The following ULK4 variants were observed in gnomAD, a reference collection of about 807,000 sequenced individuals.
The protein encoded by ULK4 is inactive serine/threonine-protein kinase ULK4.
ULK4 carries 133 observed loss-of-function variants against 160.6 expected under a neutral mutation model. That is an observed-to-expected ratio of 0.83 (90% CI 0.72 to 0.96). The LOEUF (loss-of-function observed/expected upper bound fraction) is 0.96, where lower values mean the gene tolerates loss of function less well. Ranked by LOEUF, ULK4 falls within the 40% of genes least tolerant of loss-of-function variation. The probability of loss-of-function intolerance (pLI) is 0.00; values close to 1 mark genes in which losing one functional copy is unlikely to be tolerated. For missense variants in ULK4, 1,580 were observed against 1,499.5 expected (o/e 1.05, Z -0.89); for synonymous variants, 534 against 539.8 (o/e 0.99, Z 0.15).
At chr3:41,773,299 C>A (rs890924463) in intron 21 of ULK4, among the ~76,000 whole-genome samples, 2 of 152,192 alleles carry the variant, frequency 1.3e-5, no homozygotes, top group African/African-American at 4.8e-5. Flanking sequence ...TTGCAGATGA[C>A]TTGACTGTAT....
intron 31 of ULK4, among the ~76,000 whole-genome samples, chr3:41,595,356 C>G (rs1444107805): frequency 6.6e-6 from 1 of 152,120 alleles, no homozygotes; most frequent in African/African-American, 2.4e-5. Context: ...GCTACAGAGA[C>G]CAGGTAAGAT....
At chr3:41,826,478 T>C (rs1405157717) in intron 18 of ULK4, among the ~76,000 whole-genome samples, 1 of 150,678 alleles carries the variant, frequency 6.6e-6, no homozygotes. Flanking sequence ...ACAAAGCAAA[T>C]GGAAAACAAA....
rs149752926 is a variant in ULK4 at position 41,609,366 on chromosome 3, T to C, written c.3120+6303A>G. Among the ~76,000 whole-genome samples the C allele has an allele frequency of 4.1e-3, 627 of 152,306 alleles. 2 individuals carry two copies. The highest frequency in any genetic ancestry group is 9.3e-3 in the South Asian group (45 of 4,824). On this transcript the variant is annotated intron_variant, in intron 31 of 36. Coordinates refer to ENST00000301831, the MANE Select transcript of ULK4 (RefSeq NM_017886.4). ...TTCACTTCATTCAATCCAGTATCAA[T>C]AGATTGTACCCGAGCCCAAGAAAGT...
chr3:41,587,902 G>A (rs1245418863), intron 31 of ULK4, among the ~76,000 whole-genome samples: 1 of 150,404 alleles, frequency 6.6e-6, no homozygotes, highest in East Asian at 2.3e-4. Flanking sequence ...GAAGACAATT[G>A]AAAAGTGATC....
intron 31 of ULK4, among the ~76,000 whole-genome samples, chr3:41,580,964 C>G (rs189440406): frequency 9.9e-5 from 15 of 152,274 alleles, no homozygotes; most frequent in Admixed American, 4.6e-4. Context: ...AATTCCTAAG[C>G]TTTATGACTA....
At chr3:41,356,448 T>C (rs967481352) in intron 35 of ULK4, among the ~76,000 whole-genome samples, 3 of 152,178 alleles carry the variant, frequency 2.0e-5, no homozygotes, top group African/African-American at 7.2e-5. Flanking sequence ...TCTGAGGATA[T>C]GGTGGCATCC....
chr3:41,665,690 A>G (rs2035329552), intron 29 of ULK4, among the ~76,000 whole-genome samples: 1 of 152,218 alleles, frequency 6.6e-6, no homozygotes, highest in African/African-American at 2.4e-5. Context: ...AATAAAACAA[A>G]TATCAAGCAA....
intron 35 of ULK4, among the ~76,000 whole-genome samples, chr3:41,280,765 A>C (rs892735138): frequency 3.3e-5 from 5 of 152,226 alleles, no homozygotes; most frequent in Admixed American, 6.5e-5. Flanking sequence ...AAGCAAGAGC[A>C]AACACATTCA....
At chr3:41,830,750 C>T (rs563491618) in intron 18 of ULK4, among the ~76,000 whole-genome samples, 1 of 151,852 alleles carries the variant, frequency 6.6e-6, no homozygotes, top group East Asian at 1.9e-4. Flanking sequence ...CATCAAAGAT[C>T]TGACAAAATA....
At chr3:41,908,242 C>G (rs960749346) in intron 11 of ULK4, among the ~76,000 whole-genome samples, 20 of 152,128 alleles carry the variant, frequency 1.3e-4, no homozygotes, top group Admixed American at 1.3e-3. Context: ...TAAAATAGAT[C>G]AGATATTCTA....
At chr3:41,575,766 C>T (rs2088167680) in intron 31 of ULK4, among the ~76,000 whole-genome samples, 1 of 152,230 alleles carries the variant, frequency 6.6e-6, no homozygotes, top group South Asian at 2.1e-4. Context: ...CATTCAACAC[C>T]AATGGCAATG....
chr3:41,631,963 C>T (rs941419939), intron 30 of ULK4, among the ~76,000 whole-genome samples: 4 of 152,178 alleles, frequency 2.6e-5, no homozygotes, highest in African/African-American at 7.2e-5. Flanking sequence ...CAGTGCTTTC[C>T]ATTCTTTCTG....
chr3:41,647,416 G>A (rs2034547478), intron 30 of ULK4, among the ~76,000 whole-genome samples: 1 of 152,226 alleles, frequency 6.6e-6, no homozygotes, highest in Non-Finnish European at 1.5e-5. Flanking sequence ...CTAACAGACA[G>A]GACCCTCAGC....
rs187623964 is a variant in ULK4 at position 41,847,791 on chromosome 3, A to G, written c.1657-11820T>C. Among the ~76,000 whole-genome samples, 6 of 152,294 alleles carry G rather than the reference A, an allele frequency of 3.9e-5. No homozygotes were observed. In the East Asian group the frequency reaches 7.7e-4, roughly 20 times the overall value. ...TCTTAGATTCCTTTGGATGCTGTGT[A>G]TTTGATTAAGCCTTCGCAAGTAAAA... On this transcript the variant is annotated intron_variant, in intron 17 of 36. Coordinates refer to ENST00000301831, the MANE Select transcript of ULK4 (RefSeq NM_017886.4).
chr3:41,605,234 CTAG>C (rs774633846), intron 31 of ULK4, among the ~76,000 whole-genome samples: 30 of 150,992 alleles, frequency 2.0e-4, no homozygotes, highest in Non-Finnish European at 3.7e-4. Flanking sequence ...CAATAGAAAA[CTAG>C]TAGTAAGATT....
intron 19 of ULK4, among the ~76,000 whole-genome samples, chr3:41,800,844 C>T (rs7614806): frequency 0.072 from 11,001 of 152,072 alleles, 1,262 homozygotes; most frequent in African/African-American, 0.24. Context: ...CCTAGCGGTG[C>T]TAAAAAGTTA....
intron 31 of ULK4, among the ~76,000 whole-genome samples, chr3:41,573,173 T>C (rs2088063273): frequency 6.6e-6 from 1 of 152,200 alleles, no homozygotes; most frequent in Admixed American, 6.5e-5. Context: ...TTCTAGTGTT[T>C]GACAACATAG....
Position 41,657,402 on chromosome 3 carries a change from T to G in ULK4, c.3071+6205A>C, listed in dbSNP as rs182738318. ...TAAAACGCATATCCTTCAAACAACA[T>G]GATGCTGTTGGATACAATTAATAAG... On this transcript the variant is annotated intron_variant, in intron 30 of 36. Coordinates refer to ENST00000301831, the MANE Select transcript of ULK4 (RefSeq NM_017886.4). Among the ~76,000 whole-genome samples the G allele has an allele frequency of 2.0e-5, 3 of 152,290 alleles. No individual in the cohort carries two copies. In the East Asian group the frequency reaches 5.8e-4, roughly 29 times the overall value.
intron 32 of ULK4, among the ~76,000 whole-genome samples, chr3:41,493,015 T>A (rs1195149618): frequency 7.6e-6 from 1 of 131,996 alleles, no homozygotes; most frequent in Non-Finnish European, 1.6e-5. Context: ...ATTAGACAGA[T>A]CAATGAGACA....
Sources: allele counts gnomAD v4.1 joint callset (sites outside exome capture counted in the v4.1 genomes callset), GRCh38; gene constraint gnomAD v4.1.1; transcripts MANE v1.5; gene names NCBI Gene and HGNC (gene_info 2026-07-23, HGNC 2026-07-21).